The following ARRDC3 variants were observed in gnomAD, a reference collection of about 807,000 sequenced individuals.
The protein encoded by ARRDC3 is arrestin domain-containing protein 3.
In ARRDC3, 10 loss-of-function variants were observed where a neutral mutation model predicts 47.2. That is an observed-to-expected ratio of 0.21 (90% confidence interval 0.13 to 0.36). The LOEUF (loss-of-function observed/expected upper bound fraction) is 0.36. Among genes scored for constraint, ARRDC3 ranks in the 10% least tolerant of loss-of-function variants. The pLI, the probability that ARRDC3 is intolerant of heterozygous loss-of-function variation, is 1.00. For synonymous variants in ARRDC3, 156 were observed against 178.3 expected (o/e 0.87, Z 1.00); for missense variants, 381 against 503.6 (o/e 0.76, Z 2.33).
intron 7 of ARRDC3, among the ~76,000 whole-genome samples, chr5:91,372,966 AC>A (rs1799214312): frequency 6.6e-6 from 1 of 152,218 alleles, no homozygotes; most frequent in South Asian, 2.1e-4. Context: ...GTCTTTACAT[AC>A]ACTGTTCTTC....
rs987325314 is a variant in ARRDC3, at chr5:91,368,848, A to C, written c.*2552T>G. ...CCTACAAGGACATATTCAGCACCAA[A>C]TAAAAAAGGAAAAAAAGAGAAATTA... On this transcript the variant is annotated 3_prime_UTR_variant, in exon 8 of 8. Coordinates refer to ENST00000265138, the MANE Select transcript of ARRDC3 (RefSeq NM_020801.4). The C allele has an allele frequency of 6.6e-6, 1 of 152,644 alleles. No individual in the cohort carries two copies. Among genetic ancestry groups the C allele is most frequent in the East Asian group, 1.9e-4 (1 of 5,202 alleles). 9.5% of individuals were successfully genotyped at this position (152,644 alleles called of 1,614,324 possible).
At position 91,382,982 on chromosome 5, in the gene ARRDC3, T is replaced by C; in HGVS notation, c.111A>G (p.Glu37=). The C allele has an allele frequency of 6.2e-7, 1 of 1,614,134 alleles. No homozygotes were observed. The change falls in exon 1 of 8, where the codon GAA becomes GAG. Residue 37 remains glutamate (E), a synonymous_variant. Transcript: ENST00000265138. ...ATTTTACTCTGATTTCCCCAGTAAC[T>C]TCTAAATTTACCCTTCCTGAGACGG... ...GDTVSGRVNL[E]VTGEIRVKSL...
At chr5:91,373,624 C>A in intron 7 of ARRDC3, 60 bp downstream of exon 7, 3 of 1,475,294 alleles carry the variant, frequency 2.0e-6, no homozygotes, top group Non-Finnish European at 2.8e-6. Flanking sequence ...AAAAAAAATG[C>A]CTGCAATGCT....
intron 1 of ARRDC3, among the ~76,000 whole-genome samples, chr5:91,379,170 A>G (rs1799377460): frequency 6.6e-6 from 1 of 152,100 alleles, no homozygotes; most frequent in Non-Finnish European, 1.5e-5. Flanking sequence ...ACTATAATGT[A>G]TCAAAGAAAA....
chr5:91,374,801 C>G (rs1799260502), intron 5 of ARRDC3, 121 bp downstream of exon 5: 1 of 1,022,088 alleles, frequency 9.8e-7, no homozygotes, highest in African/African-American at 1.6e-5. Context: ...GGGAGGATCA[C>G]TGGAGCCCAG....
intron 2 of ARRDC3, 81 bp from the exon 3 acceptor site, chr5:91,376,849 A>C: frequency 7.7e-7 from 1 of 1,291,322 alleles, no homozygotes; most frequent in Non-Finnish European, 1.0e-6. Context: ...AGAAGTGTTA[A>C]TATATTGTAT....
chr5:91,382,908 G>C lies in ARRDC3; in HGVS notation c.185C>G (p.Ser62Cys). 1 of 1,614,122 alleles carries C rather than the reference G, an allele frequency of 6.2e-7. No individual in the cohort carries two copies. The highest frequency in any genetic ancestry group is 8.5e-7 in the Non-Finnish European group (1 of 1,180,016). Residue 62 changes from serine to cysteine, a missense_variant, in exon 1 of 8, where the codon TCT becomes TGT. Ser to Cys is a moderately radical substitution (Grantham distance 112). Transcript: ENST00000265138. Reference protein sequence around the residue: ...RGHAKVRWTESRNAGSNTAYT... With the variant: ...RGHAKVRWTECRNAGSNTAYT... The stretch of plus-strand genomic sequence containing the variant: ...GGCAGTATTGGAGCCGGCGTTTCTA[G>C]ATTCAGTCCAGCGTACTTTCGCATG...
At chr5:91,380,669 C>G (rs188995597) in intron 1 of ARRDC3, 10 of 152,402 alleles carry the variant, frequency 6.6e-5, no homozygotes. Flanking sequence ...CAGGAGTCCC[C>G]TGACACCTCC....
In ARRDC3 at chr5:91,382,822, G is replaced by A; in HGVS notation, c.271C>T (p.His91Tyr). The part of the protein sequence containing the change: ...YFNHKDILIG[H>Y]ERDDDNSEEG... Reference sequence around the variant, plus strand: ...AATAACAAAAACTTACCTCTTTCGTGCCCAATTAAGATGTCTTTATGGTTG... The same window carrying A: ...AATAACAAAAACTTACCTCTTTCGTACCCAATTAAGATGTCTTTATGGTTG... The change falls in exon 1 of 8, where the codon CAC (histidine) becomes TAC (tyrosine). Residue 91 changes from histidine to tyrosine, a missense_variant. Coordinates refer to ENST00000265138, the MANE Select transcript of ARRDC3 (RefSeq NM_020801.4). 1 of 1,611,140 alleles carries A rather than the reference G, an allele frequency of 6.2e-7. No individual in the cohort carries two copies. Among genetic ancestry groups the A allele is most frequent in the Admixed American group, 1.7e-5 (1 of 59,508 alleles).
chr5:91,369,251 T>C lies in ARRDC3; in HGVS notation c.*2149A>G, dbSNP rs1036200157. 4 of 152,514 alleles carry C rather than the reference T, an allele frequency of 2.6e-5. No individual in the cohort carries two copies. The highest frequency in any genetic ancestry group is 9.7e-5 in the African/African-American group (4 of 41,404). The allele number at this position is 152,514 out of a possible 1,614,324, so 9.4% of individuals were successfully genotyped here. A position where few individuals can be genotyped will look rare whatever the true frequency, so the allele number is the denominator to read the frequency against. ...TATCAACAATTGTTCCCTAGTCAGT[T>C]AGACGTAAGAGAGAAAAGGGATTTT... is the stretch of plus-strand genomic sequence containing the variant. On this transcript the variant is annotated 3_prime_UTR_variant, in exon 8 of 8. Transcript: ENST00000265138.
intron 1 of ARRDC3, 104 bp downstream of exon 1, chr5:91,382,709 A>C: frequency 7.8e-7 from 1 of 1,274,370 alleles, no homozygotes; most frequent in Non-Finnish European, 1.1e-6. Context: ...CCTTTCTCAA[A>C]CTGCTTAGTT....
chr5:91,378,020 T>A (rs12188429), intron 2 of ARRDC3, among the ~76,000 whole-genome samples: 24,409 of 151,904 alleles, frequency 0.16, 2,472 homozygotes, highest in East Asian at 0.37. Context: ...CATTTTTTTT[T>A]AAAAAGTTTG....
rs753100226 is a variant in ARRDC3, at chr5:91,371,450, G to C, written c.1195C>G (p.Pro399Ala). 2 of 1,612,854 alleles carry C rather than the reference G, an allele frequency of 1.2e-6. No individual in the cohort carries two copies. The highest frequency in any genetic ancestry group is 1.1e-5 in the South Asian group (1 of 90,960). Residue 399 changes from proline to alanine, a missense_variant, in exon 8 of 8, where the codon CCA becomes GCA. Coordinates refer to ENST00000265138, the MANE Select transcript of ARRDC3 (RefSeq NM_020801.4). Reference protein sequence around the residue: ...LPPPLYSEIDPNPDQSADDRP... With the variant: ...LPPPLYSEIDANPDQSADDRP... ...TCATCTGCTGACTGATCAGGATTTG[G>C]ATCAATCTAGAAAGAAATGAGAAAA...
intron 4 of ARRDC3, 114 bp downstream of exon 4, chr5:91,375,397 T>G: frequency 1.1e-6 from 1 of 882,638 alleles, no homozygotes; most frequent in South Asian, 1.8e-5. Flanking sequence ...AAGCACAATT[T>G]GTTATTTCAC....
In ARRDC3 at chr5:91,375,066, T is replaced by C. The variant is rs201692684; in HGVS notation, c.726A>G (p.Glu242=). The C allele has an allele frequency of 4.3e-6, 7 of 1,614,232 alleles. No homozygotes were observed. In the South Asian group the frequency reaches 7.7e-5, roughly 18 times the overall value. The change falls in exon 5 of 8, where the codon GAA becomes GAG. Residue 242 remains glutamate, a synonymous_variant. Transcript: ENST00000265138. ...QAFYAKGKMK[E]VKQLVANLRG... Reference sequence around the variant, plus strand: ...GCAAGTTAGCCACAAGCTGTTTTACTTCCTTCATTTTCCCTTTGGCATAGA... The same window carrying C: ...GCAAGTTAGCCACAAGCTGTTTTACCTCCTTCATTTTCCCTTTGGCATAGA...
chr5:91,378,422 T>C (rs1273253506), intron 2 of ARRDC3, among the ~76,000 whole-genome samples: 1 of 152,076 alleles, frequency 6.6e-6, no homozygotes, highest in Non-Finnish European at 1.5e-5. Flanking sequence ...CAACTTCCAA[T>C]TCACTCATGT....
intron 5 of ARRDC3, 64 bp from the exon 6 acceptor site, chr5:91,374,340 T>C (rs1799250413): frequency 2.1e-6 from 3 of 1,420,090 alleles, no homozygotes; most frequent in African/African-American, 1.4e-5. Flanking sequence ...CAAAAACTCA[T>C]AACCAATTTT....
Position 91,382,989 on chromosome 5 carries a change from T to G in ARRDC3, c.104A>C (p.Asn35Thr). ...SSGDTVSGRVNLEVTGEIRVK... is the reference protein window; with the variant it reads ...SSGDTVSGRVTLEVTGEIRVK... ...TCTGATTTCCCCAGTAACTTCTAAA[T>G]TTACCCTTCCTGAGACGGTATCCCC... The change falls in exon 1 of 8, where the codon AAT (asparagine) becomes ACT (threonine). Residue 35 changes from asparagine to threonine, a missense_variant. Coordinates refer to ENST00000265138, the MANE Select transcript of ARRDC3 (RefSeq NM_020801.4). 1 of 1,614,138 alleles carries G rather than the reference T, an allele frequency of 6.2e-7. No individual in the cohort carries two copies.
At chr5:91,372,276 G>C (rs1317126544) in intron 7 of ARRDC3, among the ~76,000 whole-genome samples, 1 of 152,056 alleles carries the variant, frequency 6.6e-6, no homozygotes, top group Non-Finnish European at 1.5e-5. Flanking sequence ...AGAAGCTTTA[G>C]GTAAAACACA....
Sources: gnomAD v4.1 joint callset for allele counts (sites outside exome capture counted in the v4.1 genomes callset) on GRCh38, gnomAD v4.1.1 for gene constraint, MANE v1.5 for transcripts, NCBI Gene and HGNC (gene_info 2026-07-23, HGNC 2026-07-21) for gene names.